Variants in ZFHX4 observed in about 807,000 individuals in gnomAD.
ZFHX4 encodes the protein zinc finger homeobox 4.
In ZFHX4, 56 loss-of-function variants were observed where a neutral mutation model predicts 267.6. The ratio of observed to expected loss-of-function variants is 0.21; its 90% CI spans 0.17 to 0.26. The LOEUF (loss-of-function observed/expected upper bound fraction) is 0.26. Among genes scored for constraint, ZFHX4 ranks in the 10% least tolerant of loss-of-function variants. ZFHX4 has a pLI of 1.00. For synonymous variants in ZFHX4, 1,778 were observed against 1,665.6 expected, an observed-to-expected ratio of 1.07 and a Z score of -1.64; for missense variants, 4,332 against 4,420.0, an observed-to-expected ratio of 0.98 and a Z score of 0.56.
At chr8:76,716,524 C>T (rs1341859854) in intron 3 of ZFHX4, among the ~76,000 whole-genome samples, 1 of 152,172 alleles carries the variant, frequency 6.6e-6, no homozygotes, top group Admixed American at 6.5e-5. Context: ...ACCTTGGCCT[C>T]TTTTCAGCTT....
intron 10 of ZFHX4, among the ~76,000 whole-genome samples, chr8:76,856,874 C>T (rs1262216395): frequency 1.3e-5 from 2 of 152,156 alleles, no homozygotes; most frequent in Non-Finnish European, 2.9e-5. Context: ...AATATGACTT[C>T]TGTGATAGCA....
chr8:76,692,784 C>A (rs1050941243), intron 1 of ZFHX4, among the ~76,000 whole-genome samples: 11 of 151,850 alleles, frequency 7.2e-5, no homozygotes, highest in Admixed American at 3.3e-4. Flanking sequence ...TATGGGAAAT[C>A]TAAGTGCATT....
intron 4 of ZFHX4, 74 bp from the exon 5 acceptor site, chr8:76,833,264 T>G: frequency 1.5e-6 from 2 of 1,361,312 alleles, no homozygotes; most frequent in Non-Finnish European, 1.0e-6. Flanking sequence ...AATTTTGGGT[T>G]CTTGTAATAT....
At chr8:76,744,958 A>G (rs1809420481) in intron 3 of ZFHX4, among the ~76,000 whole-genome samples, 1 of 152,090 alleles carries the variant, frequency 6.6e-6, no homozygotes, top group Non-Finnish European at 1.5e-5. Context: ...TTTTTGAAAA[A>G]AGTACTCTTC....
intron 6 of ZFHX4, 44 bp from the exon 7 acceptor site, chr8:76,848,951 A>G: frequency 6.9e-7 from 1 of 1,447,918 alleles, no homozygotes; most frequent in South Asian, 1.5e-5. Flanking sequence ...TCATTTCGGA[A>G]TTGTGTTTTT....
chr8:76,687,178 T>G (rs1257429923), intron 1 of ZFHX4, among the ~76,000 whole-genome samples: 1 of 152,222 alleles, frequency 6.6e-6, no homozygotes, highest in East Asian at 1.9e-4. Flanking sequence ...AACACATAAC[T>G]AGCTATCTAA....
At chr8:76,724,023 C>A (rs1808792076) in intron 3 of ZFHX4, among the ~76,000 whole-genome samples, 1 of 151,936 alleles carries the variant, frequency 6.6e-6, no homozygotes, top group Non-Finnish European at 1.5e-5. Context: ...GAAAGAAAGA[C>A]CTTTTCAAAC....
chr8:76,809,765 G>A (rs1811328957), intron 4 of ZFHX4, among the ~76,000 whole-genome samples: 2 of 151,988 alleles, frequency 1.3e-5, no homozygotes, highest in Admixed American at 1.3e-4. Flanking sequence ...GGATTGGGAA[G>A]GTGAATCAAA....
chr8:76,817,281 T>A (rs1811531243), intron 4 of ZFHX4, among the ~76,000 whole-genome samples: 1 of 152,196 alleles, frequency 6.6e-6, no homozygotes, highest in Non-Finnish European at 1.5e-5. Flanking sequence ...TACTTGCTCA[T>A]AAGATTTTTT....
At position 76,855,538 on chromosome 8, in the gene ZFHX4, A is replaced by C. The variant is rs751771106; in HGVS notation, c.8617A>C (p.Ile2873Leu). ...TCTCTTTTCTCTCACAAGCCCATCC[A>C]TCCATTTCAATGACAAAGATGGCGA... ...KFLFSLTSPS[I>L]HFNDKDGDHD... Residue 2873 changes from isoleucine (I) to leucine (L), a missense_variant, in exon 10 of 11, where the codon ATC (isoleucine) becomes CTC (leucine). Physicochemically the swap from Ile to Leu is conservative, Grantham distance 5. Coordinates refer to ENST00000651372, the MANE Select transcript of ZFHX4 (RefSeq NM_024721.5). 10 of 1,613,770 alleles carry C rather than the reference A, an allele frequency of 6.2e-6. No individual in the cohort carries two copies. In the South Asian group the frequency reaches 1.1e-4, roughly 18 times the overall value.
intron 4 of ZFHX4, among the ~76,000 whole-genome samples, chr8:76,796,650 C>T (rs1810986904): frequency 6.6e-6 from 1 of 152,138 alleles, no homozygotes; most frequent in Non-Finnish European, 1.5e-5. Flanking sequence ...AGAACTGGAA[C>T]CAACTGTAAT....
At chr8:76,781,458 A>G (rs748276547) in intron 4 of ZFHX4, among the ~76,000 whole-genome samples, 1 of 152,122 alleles carries the variant, frequency 6.6e-6, no homozygotes, top group Non-Finnish European at 1.5e-5. Flanking sequence ...CGACAAAACA[A>G]CCAATCATCA....
At chr8:76,767,404 G>A (rs987354553) in intron 3 of ZFHX4, among the ~76,000 whole-genome samples, 5 of 152,104 alleles carry the variant, frequency 3.3e-5, no homozygotes, top group East Asian at 1.9e-4. Context: ...CTAATAAATC[G>A]GAGACACAGC....
intron 4 of ZFHX4, among the ~76,000 whole-genome samples, chr8:76,805,847 G>A (rs939585381): frequency 2.0e-4 from 31 of 151,768 alleles, no homozygotes; most frequent in Middle Eastern, 3.4e-3. Flanking sequence ...GTGTAAGTAC[G>A]CCTTTAGGGG....
chr8:76,690,376 T>C (rs1304235627), intron 1 of ZFHX4, among the ~76,000 whole-genome samples: 1 of 152,064 alleles, frequency 6.6e-6, no homozygotes, highest in Admixed American at 6.5e-5. Context: ...TGCCACCTGG[T>C]TATATTGTTA....
intron 4 of ZFHX4, among the ~76,000 whole-genome samples, chr8:76,808,221 A>T (rs375718898): frequency 1.3e-5 from 2 of 152,132 alleles, no homozygotes; most frequent in Admixed American, 1.3e-4. Flanking sequence ...CAAAGATTTC[A>T]TTTGTTTACA....
At chr8:76,821,484 A>G (rs1811647231) in intron 4 of ZFHX4, among the ~76,000 whole-genome samples, 1 of 151,926 alleles carries the variant, frequency 6.6e-6, no homozygotes, top group African/African-American at 2.4e-5. Context: ...TAACTACGAT[A>G]GCTAGCAGCT....
intron 1 of ZFHX4, among the ~76,000 whole-genome samples, chr8:76,690,262 T>C (rs1419773738): frequency 1.3e-5 from 2 of 152,120 alleles, no homozygotes; most frequent in Non-Finnish European, 2.9e-5. Context: ...GGTTAAAATA[T>C]GCATTTTATA....
At chr8:76,752,487 C>CAAAAAAAAAAATA (rs1809642747) in intron 3 of ZFHX4, among the ~76,000 whole-genome samples, 1 of 70,964 alleles carries the variant, frequency 1.4e-5, no homozygotes, top group Non-Finnish European at 3.0e-5. Context: ...ACCAAAAATC[C>CAAAAAAAAAAATA]AAAAAAAAAA....
Sources: allele counts gnomAD v4.1 joint callset (sites outside exome capture counted in the v4.1 genomes callset), GRCh38; gene constraint gnomAD v4.1.1; transcripts MANE v1.5; gene names NCBI Gene and HGNC (gene_info 2026-07-23, HGNC 2026-07-21).